MAP4K4: variants seen among roughly 807,000 people sequenced by gnomAD.
MAP4K4 encodes the protein mitogen-activated protein kinase kinase kinase kinase 4.
MAP4K4 carries 38 observed loss-of-function variants against 189.6 expected under a neutral mutation model. The ratio of observed to expected loss-of-function variants is 0.20; its 90% CI spans 0.15 to 0.26. The LOEUF is 0.26. MAP4K4 is among the 10% of genes least tolerant of loss of function. The probability of loss-of-function intolerance (pLI) is 1.00; values close to 1 mark genes in which losing one functional copy is unlikely to be tolerated. For synonymous variants in MAP4K4, 610 were observed against 624.3 expected (o/e 0.98, Z 0.34); for missense variants, 1,054 against 1,726.9 (o/e 0.61, Z 6.91).
intron 2 of MAP4K4, among the ~76,000 whole-genome samples, chr2:101,763,218 AAGG>A (rs1265987174): frequency 1.3e-5 from 2 of 152,176 alleles, no homozygotes; most frequent in African/African-American, 2.4e-5. Context: ...GAGACACAAG[AAGG>A]AGAAGTTGTG....
chr2:101,704,525 G>A (rs992733947), intron 2 of MAP4K4, among the ~76,000 whole-genome samples: 1 of 17,022 alleles, frequency 5.9e-5, no homozygotes, highest in African/African-American at 2.7e-4. Context: ...TATTTTATGT[G>A]TGTGTGTGTG....
chr2:101,775,213 C>G (rs1334168274), intron 2 of MAP4K4, among the ~76,000 whole-genome samples: 1 of 151,746 alleles, frequency 6.6e-6, no homozygotes, highest in Non-Finnish European at 1.5e-5. Flanking sequence ...TTTCTGGGGA[C>G]AGCTGGCCTA....
At chr2:101,797,888 A>AGTTTTTTTTTTT (rs2093905217) in intron 3 of MAP4K4, among the ~76,000 whole-genome samples, 1 of 7,624 alleles carries the variant, frequency 1.3e-4, no homozygotes, top group Non-Finnish European at 2.3e-4. Context: ...ACATTCTTTT[A>AGTTTTTTTTTTT]GTTTTTTTTT....
intron 6 of MAP4K4, among the ~76,000 whole-genome samples, chr2:101,830,940 T>C (rs114685120): frequency 1.6e-4 from 25 of 152,364 alleles, no homozygotes; most frequent in African/African-American, 5.5e-4. Context: ...GAGCGTGTTC[T>C]GTGCATGAAT....
intron 2 of MAP4K4, among the ~76,000 whole-genome samples, chr2:101,727,262 A>G (rs1037070852): frequency 2.0e-5 from 3 of 152,204 alleles, no homozygotes; most frequent in Non-Finnish European, 2.9e-5. Context: ...AAACAGTGAA[A>G]ACACTTAGCA....
chr2:101,811,486 C>T (rs1261795022), intron 3 of MAP4K4, among the ~76,000 whole-genome samples: 1 of 151,714 alleles, frequency 6.6e-6, no homozygotes, highest in Non-Finnish European at 1.5e-5. Flanking sequence ...GGCTCTACGG[C>T]TCTACCCAGG....
intron 3 of MAP4K4, among the ~76,000 whole-genome samples, chr2:101,792,390 C>G (rs1014990660): frequency 6.6e-6 from 1 of 152,152 alleles, no homozygotes; most frequent in Non-Finnish European, 1.5e-5. Flanking sequence ...CCTGACACAG[C>G]TGTTGTGGCC....
chr2:101,802,274 C>T (rs902667031), intron 3 of MAP4K4, among the ~76,000 whole-genome samples: 13 of 152,166 alleles, frequency 8.5e-5, no homozygotes, highest in African/African-American at 2.9e-4. Flanking sequence ...GCCTCTATCA[C>T]GAGCCTCCTG....
At chr2:101,711,302 T>G (rs983786022) in intron 2 of MAP4K4, among the ~76,000 whole-genome samples, 2 of 152,056 alleles carry the variant, frequency 1.3e-5, no homozygotes, top group African/African-American at 4.8e-5. Flanking sequence ...AAAGATAAAG[T>G]TTTTTTGCTT....
intron 5 of MAP4K4, among the ~76,000 whole-genome samples, chr2:101,825,678 T>G (rs964610105): frequency 6.6e-6 from 1 of 152,218 alleles, no homozygotes; most frequent in African/African-American, 2.4e-5. Context: ...CATGGCATCA[T>G]GACATACCTA....
At chr2:101,725,732 CTT>C (rs1023840206) in intron 2 of MAP4K4, among the ~76,000 whole-genome samples, 3 of 152,158 alleles carry the variant, frequency 2.0e-5, no homozygotes, top group African/African-American at 7.2e-5. Context: ...CTCATCAACA[CTT>C]TTGAGGTGTG....
At chr2:101,879,745 A>G (rs765864825) in intron 27 of MAP4K4, among the ~76,000 whole-genome samples, 2 of 151,898 alleles carry the variant, frequency 1.3e-5, no homozygotes, top group Non-Finnish European at 2.9e-5. Context: ...CACTGTCCAG[A>G]CTTTGAACAT....
intron 9 of MAP4K4, among the ~76,000 whole-genome samples, chr2:101,838,191 T>G (rs1047116979): frequency 1.3e-5 from 2 of 152,312 alleles, no homozygotes; most frequent in African/African-American, 4.8e-5. Flanking sequence ...TAGGAATCCT[T>G]TTGGAATCTT....
chr2:101,775,968 G>A (rs1325715813), intron 2 of MAP4K4, among the ~76,000 whole-genome samples: 5 of 152,206 alleles, frequency 3.3e-5, no homozygotes, highest in Non-Finnish European at 7.3e-5. Context: ...TTCACATGTC[G>A]GGGAGATAGA....
intron 28 of MAP4K4, among the ~76,000 whole-genome samples, chr2:101,883,835 T>C (rs1346513316): frequency 6.6e-6 from 1 of 152,154 alleles, no homozygotes; most frequent in African/African-American, 2.4e-5. Flanking sequence ...ATGGTGATTG[T>C]GGGAGCTGCC....
At chr2:101,735,311 A>G (rs767128520) in intron 2 of MAP4K4, among the ~76,000 whole-genome samples, 8 of 152,006 alleles carry the variant, frequency 5.3e-5, no homozygotes, top group Admixed American at 2.6e-4. Flanking sequence ...CTGACTAATC[A>G]TTTTCACCAA....
At chr2:101,767,187 A>G (rs529108809) in intron 2 of MAP4K4, among the ~76,000 whole-genome samples, 2 of 152,288 alleles carry the variant, frequency 1.3e-5, no homozygotes, top group Admixed American at 1.3e-4. Flanking sequence ...TGACTATGAA[A>G]AGGGGATAGC....
At chr2:101,839,137 G>A (rs934468020) in intron 9 of MAP4K4, among the ~76,000 whole-genome samples, 3 of 152,332 alleles carry the variant, frequency 2.0e-5, no homozygotes, top group African/African-American at 7.2e-5. Context: ...ATAGGTGATA[G>A]GTAAGAGTGT....
intron 2 of MAP4K4, among the ~76,000 whole-genome samples, chr2:101,776,717 A>G (rs1416686657): frequency 1.3e-5 from 2 of 152,100 alleles, no homozygotes; most frequent in African/African-American, 4.8e-5. Flanking sequence ...CTCAGAGCCA[A>G]TTGCCTTAAT....
Sources: gnomAD v4.1 joint callset for allele counts (sites outside exome capture counted in the v4.1 genomes callset) on GRCh38, gnomAD v4.1.1 for gene constraint, MANE v1.5 for transcripts, NCBI Gene and HGNC (gene_info 2026-07-23, HGNC 2026-07-21) for gene names.